Variants in RP1 observed in about 807,000 individuals in gnomAD.
RP1 encodes oxygen-regulated protein 1.
RP1 carries 16 observed loss-of-function variants against 14.8 expected under a neutral mutation model. That is an observed-to-expected ratio of 1.08 (90% CI 0.73 to 1.65). The LOEUF (loss-of-function observed/expected upper bound fraction) is 1.65, where lower values mean the gene tolerates loss of function less well. Among genes scored for constraint, RP1 ranks in the 40% most tolerant of loss-of-function variants. The pLI is 0.00. For missense variants in RP1, 2,631 were observed against 2,535.0 expected (o/e 1.04, Z -0.81); for synonymous variants, 876 against 883.6 (o/e 0.99, Z 0.15).
intron 1 of RP1, among the ~76,000 whole-genome samples, chr8:54,567,286 T>C (rs1170767878): frequency 6.6e-6 from 1 of 152,204 alleles, no homozygotes; most frequent in African/African-American, 2.4e-5. Context: ...AGGGCTTTCA[T>C]TATATTCTGG....
At chr8:54,601,413 G>A (rs1291432122) in intron 1 of RP1, among the ~76,000 whole-genome samples, 4 of 149,186 alleles carry the variant, frequency 2.7e-5, no homozygotes, top group Non-Finnish European at 5.9e-5. Flanking sequence ...TACACTCTGG[G>A]GACTGTTGTG....
chr8:54,739,063 A>C, intron 19 of RP1: 3 of 1,434,088 alleles, frequency 2.1e-6, no homozygotes, highest in Non-Finnish European at 2.8e-6. Flanking sequence ...CTTCATAGTT[A>C]TTCTCTGATG....
intron 27 of RP1, chr8:54,857,112 A>T: frequency 1.7e-6 from 2 of 1,203,266 alleles, no homozygotes; most frequent in East Asian, 6.4e-5. Flanking sequence ...TCCAGGTAAG[A>T]TTTAGTTTCT....
intron 1 of RP1, among the ~76,000 whole-genome samples, chr8:54,609,164 C>A (rs555507992): frequency 3.9e-5 from 6 of 152,254 alleles, no homozygotes; most frequent in African/African-American, 2.4e-5. Flanking sequence ...CAGGAAAGAA[C>A]AGTCTCCTGG....
intron 27 of RP1, among the ~76,000 whole-genome samples, chr8:54,859,669 GTTGT>G (rs1405107824): frequency 2.0e-5 from 3 of 152,050 alleles, no homozygotes; most frequent in Admixed American, 1.3e-4. Flanking sequence ...TCAGTATGGA[GTTGT>G]TTAACTGTGG....
chr8:54,613,519 T>A (rs1194600263), upstream of RP1, among the ~76,000 whole-genome samples: 1 of 152,194 alleles, frequency 6.6e-6, no homozygotes, highest in African/African-American at 2.4e-5. Flanking sequence ...TCAGAGATGA[T>A]AAAGAAGTTA....
chr8:54,674,397 C>T (rs1209353379), intron 8 of RP1, among the ~76,000 whole-genome samples: 1 of 151,812 alleles, frequency 6.6e-6, no homozygotes, highest in African/African-American at 2.4e-5. Context: ...TTCTCATCAA[C>T]TCTGTGAGAT....
At chr8:54,566,837 T>G (rs988626109) in intron 1 of RP1, among the ~76,000 whole-genome samples, 1 of 152,182 alleles carries the variant, frequency 6.6e-6, no homozygotes, top group African/African-American at 2.4e-5. Context: ...AACCAACAAC[T>G]AGTAACCCAG....
chr8:54,625,902 A>G lies in RP1; in HGVS notation c.2020A>G (p.Lys674Glu). The change falls in exon 4 of 4, where the codon AAA (lysine) becomes GAA (glutamate). Residue 674 changes from lysine (K) to glutamate (E), a missense_variant. Coordinates refer to ENST00000220676, the MANE Select transcript of RP1 (RefSeq NM_006269.2). ...ILSSVASKKK[K>E]KSRQQAINSR... ...GTCATCTGTTGCCAGCAAAAAGAAGAAAAAATCTCGACAGCAAGCAATAAA... is the reference window on the plus strand; with the variant it reads ...GTCATCTGTTGCCAGCAAAAAGAAGGAAAAATCTCGACAGCAAGCAATAAA... 6.2e-7 allele frequency: 1 copy of G among 1,613,898 alleles called. No individual in the cohort carries two copies. Among genetic ancestry groups the G allele is most frequent in the Non-Finnish European group, 8.5e-7 (1 of 1,179,944 alleles).
At chr8:54,782,895 T>TA (rs1810223428) in intron 23 of RP1, among the ~76,000 whole-genome samples, 1 of 152,020 alleles carries the variant, frequency 6.6e-6, no homozygotes, top group Non-Finnish European at 1.5e-5. Flanking sequence ...TCTGCTTGCA[T>TA]GATGCATTGT....
chr8:54,865,636 C>A (rs1379691942), intron 27 of RP1, among the ~76,000 whole-genome samples: 1 of 151,476 alleles, frequency 6.6e-6, no homozygotes, highest in African/African-American at 2.4e-5. Flanking sequence ...CTTCTCTTGT[C>A]CTCTGCTTCT....
At chr8:54,607,797 T>C (rs988691705) in intron 1 of RP1, among the ~76,000 whole-genome samples, 3 of 152,176 alleles carry the variant, frequency 2.0e-5, no homozygotes, top group Non-Finnish European at 4.4e-5. Context: ...CTCAGACTGC[T>C]GTGCTAGCAA....
At chr8:54,855,326 A>G (rs932421430) in intron 26 of RP1, among the ~76,000 whole-genome samples, 1 of 152,196 alleles carries the variant, frequency 6.6e-6, no homozygotes, top group Admixed American at 6.5e-5. Context: ...GAAAGGCTGA[A>G]TAATATTTCA....
intron 24 of RP1, among the ~76,000 whole-genome samples, chr8:54,811,029 G>C (rs1810981663): frequency 6.6e-6 from 1 of 152,204 alleles, no homozygotes; most frequent in Admixed American, 6.5e-5. Flanking sequence ...AGAGATAGCA[G>C]AATAAACCCT....
intron 12 of RP1, among the ~76,000 whole-genome samples, chr8:54,697,782 C>A (rs1807907444): frequency 6.6e-6 from 1 of 152,160 alleles, no homozygotes; most frequent in Non-Finnish European, 1.5e-5. Context: ...CAAAAACAAG[C>A]AATGGGGAGA....
At chr8:54,602,196 C>A (rs1279043757) in intron 1 of RP1, among the ~76,000 whole-genome samples, 2 of 152,188 alleles carry the variant, frequency 1.3e-5, no homozygotes, top group Admixed American at 6.5e-5. Flanking sequence ...CTTCCCCCAC[C>A]CCACAACAGG....
intron 28 of RP1, chr8:54,869,760 A>G (rs1812539339): frequency 2.0e-6 from 1 of 492,640 alleles, no homozygotes; most frequent in Non-Finnish European, 3.2e-6. Flanking sequence ...AATTCTTTCC[A>G]TATGTTTTTT....
At chr8:54,632,661 T>C (rs1338452178), downstream of RP1, among the ~76,000 whole-genome samples, 1 of 152,200 alleles carries the variant, frequency 6.6e-6, no homozygotes, top group Non-Finnish European at 1.5e-5. Flanking sequence ...ACTCAGTTTT[T>C]TGTATTTTTT....
chr8:54,796,725 C>T (rs1035506455), intron 24 of RP1, among the ~76,000 whole-genome samples: 1 of 152,112 alleles, frequency 6.6e-6, no homozygotes, highest in Admixed American at 6.6e-5. Flanking sequence ...GCCTCATTGA[C>T]GTCTTGATTT....
Sources: gnomAD v4.1 joint callset for allele counts (sites outside exome capture counted in the v4.1 genomes callset) on GRCh38, gnomAD v4.1.1 for gene constraint, MANE v1.5 for transcripts, NCBI Gene and HGNC (gene_info 2026-07-23, HGNC 2026-07-21) for gene names.